The following UBR1 variants were observed in gnomAD, a reference collection of about 807,000 sequenced individuals.
UBR1 encodes the protein E3 ubiquitin-protein ligase UBR1.
A neutral mutation model predicts 242.1 loss-of-function variants in UBR1; 102 were observed. The observed-to-expected ratio is 0.42, with a 90% confidence interval of 0.36 to 0.50. The LOEUF (loss-of-function observed/expected upper bound fraction) is 0.50, where lower values mean the gene tolerates loss of function less well. Among genes scored for constraint, UBR1 ranks in the 20% least tolerant of loss-of-function variants. The probability of loss-of-function intolerance (pLI) is 0.01; values close to 1 mark genes in which losing one functional copy is unlikely to be tolerated. For missense variants in UBR1, 1,772 were observed against 2,101.8 expected (o/e 0.84, Z 3.07); for synonymous variants, 675 against 684.8 (o/e 0.99, Z 0.22).
At chr15:43,040,552 G>A (rs560230285) in intron 15 of UBR1, among the ~76,000 whole-genome samples, 200 of 152,280 alleles carry the variant, frequency 1.3e-3, no homozygotes, top group African/African-American at 4.7e-3. Flanking sequence ...AGGACTTCAT[G>A]TCTAAAACAC....
intron 3 of UBR1, among the ~76,000 whole-genome samples, 172 bp downstream of exon 3, chr15:43,082,466 T>C (rs533918604): frequency 6.6e-6 from 1 of 152,336 alleles, no homozygotes; most frequent in Non-Finnish European, 1.5e-5. Flanking sequence ...TTACTCCTTT[T>C]TTCTTTTCTG....
intron 44 of UBR1, among the ~76,000 whole-genome samples, chr15:42,955,044 G>C (rs2031896470): frequency 6.6e-6 from 1 of 152,104 alleles, no homozygotes; most frequent in Non-Finnish European, 1.5e-5. Flanking sequence ...GCGGGTGCCT[G>C]TAATCCCAGC....
At position 43,029,072 on chromosome 15, in the gene UBR1, G is replaced by A. The variant is rs200574340; in HGVS notation, c.2379+872C>T. Among the ~76,000 whole-genome samples the A allele has an allele frequency of 7.3e-5, 11 of 151,434 alleles. No homozygotes were observed. The East Asian group carries it at 1.5e-3, about 21-fold the overall frequency. Reference sequence around the variant, plus strand: ...TACACTCCAGCCTGGGTGACAGAGCGAGACTTCGTCTCAAGGAGAAAAATA... The same window carrying A: ...TACACTCCAGCCTGGGTGACAGAGCAAGACTTCGTCTCAAGGAGAAAAATA... On this transcript the variant is annotated intron_variant, in intron 21 of 46. Coordinates refer to ENST00000290650, the MANE Select transcript of UBR1 (RefSeq NM_174916.3).
At chr15:43,033,127 T>A (rs889779626) in intron 19 of UBR1, among the ~76,000 whole-genome samples, 1 of 152,194 alleles carries the variant, frequency 6.6e-6, no homozygotes, top group African/African-American at 2.4e-5. Flanking sequence ...TTCTATTTTT[T>A]TCATTTAAAA....
intron 44 of UBR1, among the ~76,000 whole-genome samples, chr15:42,956,352 C>T (rs116967439): frequency 0.036 from 5,420 of 152,288 alleles, 143 homozygotes; most frequent in Non-Finnish European, 0.05. Context: ...GTCTCATTCA[C>T]TCTGTCACCC....
At chr15:43,003,994 C>A in intron 30 of UBR1, 64 bp from the exon 31 acceptor site, 1 of 1,411,436 alleles carries the variant, frequency 7.1e-7, no homozygotes, top group Non-Finnish European at 1.0e-6. Flanking sequence ...AGTCTAATCA[C>A]AAACTGTCTT....
intron 24 of UBR1, 95 bp from the exon 25 acceptor site, chr15:43,025,078 T>C: frequency 4.7e-6 from 7 of 1,477,050 alleles, no homozygotes; most frequent in Non-Finnish European, 6.5e-6. Context: ...CAAAAAATAA[T>C]AGGTTACATG....
rs1269136988 is a variant in UBR1, at chr15:42,944,169, G to A, written c.*1160C>T. ...AATGGAAGGTTTCCATTTATCTTCT[G>A]CTGTTTTATATCACAATCTCTTGAT... On this transcript the variant is annotated 3_prime_UTR_variant, in exon 47 of 47. Transcript: ENST00000290650. 1.3e-5 allele frequency: 2 copies of A among 152,430 alleles called. No homozygotes were observed. The highest frequency in any genetic ancestry group is 4.8e-5 in the African/African-American group (2 of 41,416). 9.4% of individuals were successfully genotyped at this position (152,430 alleles called of 1,614,324 possible). A position where few individuals can be genotyped will look rare whatever the true frequency, so the allele number is the denominator to read the frequency against.
chr15:42,963,848 A>T, intron 42 of UBR1, 87 bp downstream of exon 42: 1 of 1,064,384 alleles, frequency 9.4e-7, no homozygotes, highest in South Asian at 1.3e-5. Flanking sequence ...ATCAGTGCTG[A>T]TTGAACTAAA....
chr15:43,078,343 TGA>T (rs1261086564), intron 3 of UBR1, among the ~76,000 whole-genome samples: 2 of 151,886 alleles, frequency 1.3e-5, no homozygotes, highest in Admixed American at 1.3e-4. Flanking sequence ...TCTATAGAAA[TGA>T]GAGAGAAACA....
rs541438551 is a variant in UBR1, at chr15:43,056,532, T to C, written c.1183-90A>G. The C allele has an allele frequency of 7.1e-6, 6 of 850,022 alleles. No homozygotes were observed. The African/African-American group carries it at 1.0e-4, about 14-fold the overall frequency. The allele number at this position is 850,022 out of a possible 1,614,324, so 52.7% of individuals were successfully genotyped here. A position where few individuals can be genotyped will look rare whatever the true frequency, so the allele number is the denominator to read the frequency against. ...TTAATAACTGCTGCAGGTTTGTTTC[T>C]ATCTATAAAATGTCAAGTAATATAA... On this transcript the variant is annotated intron_variant, in intron 10 of 46. Coordinates refer to ENST00000290650, the MANE Select transcript of UBR1 (RefSeq NM_174916.3).
At chr15:43,069,632 T>C (rs1208144048) in intron 5 of UBR1, among the ~76,000 whole-genome samples, 1 of 152,186 alleles carries the variant, frequency 6.6e-6, no homozygotes, top group African/African-American at 2.4e-5. Flanking sequence ...CAATTGATCC[T>C]CAAAACTCTG....
chr15:42,976,997 T>C, intron 38 of UBR1, 130 bp from the exon 39 acceptor site: 1 of 1,028,840 alleles, frequency 9.7e-7, no homozygotes, highest in East Asian at 2.6e-5. Context: ...AAAAACCATA[T>C]TTTTCTTATT....
intron 43 of UBR1, among the ~76,000 whole-genome samples, 181 bp downstream of exon 43, chr15:42,960,464 C>T (rs1391172843): frequency 6.6e-6 from 1 of 152,100 alleles, no homozygotes; most frequent in Non-Finnish European, 1.5e-5. Context: ...AAAGGACAGC[C>T]ACTCCAAGAA....
chr15:43,027,914 T>C, intron 21 of UBR1, 86 bp from the exon 22 acceptor site: 3 of 1,036,586 alleles, frequency 2.9e-6, no homozygotes, highest in Non-Finnish European at 4.4e-6. Context: ...CTACTGCATC[T>C]CTGAAGTACT....
At chr15:43,051,340 A>G (rs2033552441) in intron 12 of UBR1, among the ~76,000 whole-genome samples, 1 of 152,234 alleles carries the variant, frequency 6.6e-6, no homozygotes, top group Admixed American at 6.5e-5. Flanking sequence ...CAAATACTGC[A>G]TGTTCTCACT....
intron 6 of UBR1, among the ~76,000 whole-genome samples, chr15:43,065,506 T>G (rs1471376814): frequency 6.6e-6 from 1 of 152,180 alleles, no homozygotes; most frequent in Non-Finnish European, 1.5e-5. Flanking sequence ...TGATACTCTC[T>G]CTACCCCCAC....
At position 43,037,822 on chromosome 15, in the gene UBR1, T is replaced by G; in HGVS notation, c.1973A>C (p.Gln658Pro). Reference protein sequence around the residue: ...YPLRCLVLVAQVVAEMWRRNG... With the variant: ...YPLRCLVLVAPVVAEMWRRNG... ...TCTTCGCCACATCTCAGCAACAACC[T>G]GGGCAACCAACACCAGACAACGTAA... Residue 658 changes from glutamine to proline, a missense_variant, in exon 17 of 47, where the codon CAG (glutamine) becomes CCG (proline). Physicochemically the swap from Gln to Pro is moderately conservative, Grantham distance 76. This residue lies in a region of UBR1 where 734 missense variants were observed against 893.3 expected (regional missense o/e 0.82). Transcript: ENST00000290650. 1.2e-6 allele frequency: 2 copies of G among 1,614,150 alleles called. No homozygotes were observed. Among genetic ancestry groups the G allele is most frequent in the Non-Finnish European group, 1.7e-6 (2 of 1,180,020 alleles).
At chr15:42,964,881 T>G (rs1357763586) in intron 41 of UBR1, among the ~76,000 whole-genome samples, 1 of 152,222 alleles carries the variant, frequency 6.6e-6, no homozygotes, top group Non-Finnish European at 1.5e-5. Context: ...GAAAACTATC[T>G]CAGAGAGTTC....
Sources: gnomAD v4.1 joint callset for allele counts (sites outside exome capture counted in the v4.1 genomes callset) on GRCh38, gnomAD v4.1.1 for gene constraint, gnomAD v4.1.1 regional missense constraint, MANE v1.5 for transcripts, NCBI Gene and HGNC (gene_info 2026-07-23, HGNC 2026-07-21) for gene names.